Variants in RANBP2 observed in about 807,000 individuals in gnomAD.
RANBP2 encodes the protein E3 SUMO-protein ligase RanBP2.
RANBP2 carries 57 observed loss-of-function variants against 303.6 expected under a neutral mutation model. The ratio of observed to expected loss-of-function variants is 0.19; its 90% CI spans 0.15 to 0.23. The LOEUF (loss-of-function observed/expected upper bound fraction) is 0.23, where lower values mean the gene tolerates loss of function less well. Ranked by LOEUF, RANBP2 falls within the 10% of genes least tolerant of loss-of-function variation. The pLI is 1.00. For synonymous variants in RANBP2, 1,167 were observed against 1,301.5 expected, an observed-to-expected ratio of 0.90 and a Z score of 2.23; for missense variants, 3,138 against 3,780.8, an observed-to-expected ratio of 0.83 and a Z score of 4.46.
the RANBP2 span, among the ~76,000 whole-genome samples, chr2:108,996,454 G>A: frequency 9.8e-5 from 15 of 152,302 alleles, no homozygotes; most frequent in South Asian, 3.1e-3. Flanking sequence ...AATAAGAAAG[G>A]CTCCAGATAG....
At chr2:108,791,471 G>T in the RANBP2 span, 2 of 582,796 alleles carry the variant, frequency 3.4e-6, no homozygotes, top group East Asian at 7.6e-5. Flanking sequence ...TTAATGTGTA[G>T]AAAAAGATGC....
At chr2:109,160,198 AG>A in the RANBP2 span, among the ~76,000 whole-genome samples, 2 of 152,242 alleles carry the variant, frequency 1.3e-5, no homozygotes, top group East Asian at 3.9e-4. Context: ...CAGGAAGCTG[AG>A]GGTCTTGTGG....
the RANBP2 span, among the ~76,000 whole-genome samples, chr2:109,065,731 G>A: frequency 3.3e-5 from 5 of 152,230 alleles, no homozygotes; most frequent in African/African-American, 1.2e-4. Flanking sequence ...TGGACTCAAT[G>A]TTAGGAAACC....
chr2:108,848,826 C>G, the RANBP2 span, among the ~76,000 whole-genome samples: 2 of 152,100 alleles, frequency 1.3e-5, no homozygotes, highest in African/African-American at 4.8e-5. Flanking sequence ...AGAAATGAAT[C>G]AAAATTGGCA....
At chr2:109,169,028 C>G in the RANBP2 span, among the ~76,000 whole-genome samples, 1 of 152,264 alleles carries the variant, frequency 6.6e-6, no homozygotes, top group Admixed American at 6.5e-5. Flanking sequence ...CAGGACTCTC[C>G]CTTGGTCACT....
At chr2:109,601,476 T>G in the RANBP2 span, among the ~76,000 whole-genome samples, 1 of 152,224 alleles carries the variant, frequency 6.6e-6, no homozygotes, top group Non-Finnish European at 1.5e-5. Flanking sequence ...ACATCTTAAT[T>G]TAACTTCTAG....
the RANBP2 span, among the ~76,000 whole-genome samples, chr2:109,642,260 A>G: frequency 2.0e-5 from 3 of 152,156 alleles, no homozygotes; most frequent in South Asian, 6.2e-4. Flanking sequence ...ACTTTCAGGT[A>G]TCATCATCTT....
At chr2:109,448,993 C>T in the RANBP2 span, among the ~76,000 whole-genome samples, 186 of 152,320 alleles carry the variant, frequency 1.2e-3, 1 homozygote, top group African/African-American at 4.3e-3. Flanking sequence ...AATGCATTTT[C>T]AGGGTTTCTT....
In RANBP2 at chr2:108,763,783, A is replaced by G; in HGVS notation, c.3244A>G (p.Ser1082Gly). 1.2e-6 allele frequency: 2 copies of G among 1,614,144 alleles called. No individual in the cohort carries two copies. The highest frequency in any genetic ancestry group is 1.7e-6 in the Non-Finnish European group (2 of 1,179,986). ...TAAACCCTTGCAAGGAGATGGCTAT[A>G]GTGGAGCCAAACCAATTCCTGGTGG... Reference protein sequence around the residue: ...SDKPLQGDGYSGAKPIPGGQT... With the variant: ...SDKPLQGDGYGGAKPIPGGQT... The change falls in exon 20 of 29, where the codon AGT (serine) becomes GGT (glycine). Residue 1082 changes from serine to glycine, a missense_variant. Coordinates refer to ENST00000283195, the MANE Select transcript of RANBP2 (RefSeq NM_006267.5).
At chr2:109,303,504 G>C in the RANBP2 span, among the ~76,000 whole-genome samples, 1 of 152,264 alleles carries the variant, frequency 6.6e-6, no homozygotes, top group South Asian at 2.1e-4. Flanking sequence ...TTCAGGCCTA[G>C]GTAGCCAGTA....
the RANBP2 span, among the ~76,000 whole-genome samples, chr2:109,469,876 A>G: frequency 6.6e-6 from 1 of 152,212 alleles, no homozygotes; most frequent in Non-Finnish European, 1.5e-5. Flanking sequence ...GTCCACTGCA[A>G]CCACAACCTC....
the RANBP2 span, among the ~76,000 whole-genome samples, chr2:108,917,159 T>C: frequency 6.6e-6 from 1 of 152,146 alleles, no homozygotes; most frequent in African/African-American, 2.4e-5. Context: ...GGGAAGGTGC[T>C]TGTGGCAAAA....
At chr2:109,111,794 C>T in the RANBP2 span, among the ~76,000 whole-genome samples, 1 of 143,388 alleles carries the variant, frequency 7.0e-6, no homozygotes, top group East Asian at 2.0e-4. Flanking sequence ...CCCCCCATCC[C>T]ACCACAGTCC....
At chr2:109,465,407 T>A in the RANBP2 span, among the ~76,000 whole-genome samples, 6 of 152,208 alleles carry the variant, frequency 3.9e-5, no homozygotes, top group African/African-American at 1.2e-4. Context: ...AACTGCCAAC[T>A]CTCTTCCAAA....
chr2:108,866,003 G>A, the RANBP2 span, among the ~76,000 whole-genome samples: 335 of 152,248 alleles, frequency 2.2e-3, no homozygotes, highest in Admixed American at 4.6e-3. Context: ...GGAGCTGGGG[G>A]ATTTTGTTCC....
At chr2:109,644,166 G>A in the RANBP2 span, among the ~76,000 whole-genome samples, 7,025 of 150,552 alleles carry the variant, frequency 0.047, 613 homozygotes, top group East Asian at 0.24. Context: ...ACTTAGCCAG[G>A]CGTGGTGGTG....
the RANBP2 span, chr2:108,882,934 G>A: frequency 4.6e-5 from 7 of 151,886 alleles, no homozygotes; most frequent in African/African-American, 1.7e-4. Flanking sequence ...TTATATAGGA[G>A]CATCGAGATT....
chr2:109,491,755 G>A, the RANBP2 span, among the ~76,000 whole-genome samples: 1 of 152,174 alleles, frequency 6.6e-6, no homozygotes, highest in Non-Finnish European at 1.5e-5. Flanking sequence ...CTTACTGAGT[G>A]CCTACACATT....
the RANBP2 span, among the ~76,000 whole-genome samples, chr2:109,167,304 A>G: frequency 4.6e-5 from 7 of 152,226 alleles, no homozygotes; most frequent in African/African-American, 1.4e-4. Context: ...GATGCGGTAG[A>G]ACCAATTAGA....
Sources: allele counts gnomAD v4.1 joint callset (sites outside exome capture counted in the v4.1 genomes callset), GRCh38; gene constraint gnomAD v4.1.1; transcripts MANE v1.5; gene names NCBI Gene and HGNC (gene_info 2026-07-23, HGNC 2026-07-21).